FOCAD: variants seen among roughly 807,000 people sequenced by gnomAD.
FOCAD encodes the protein focadhesin, also known as KIAA1797.
A neutral mutation model predicts 225.6 loss-of-function variants in FOCAD; 198 were observed. The observed-to-expected ratio is 0.88, with a 90% CI of 0.78 to 0.99. FOCAD has a LOEUF of 0.99. FOCAD is among the 50% of genes least tolerant of loss of function. FOCAD has a pLI of 0.00. For synonymous variants in FOCAD, 897 were observed against 755.0 expected, an observed-to-expected ratio of 1.19 and a Z score of -3.08; for missense variants, 2,713 against 2,123.6, an observed-to-expected ratio of 1.28 and a Z score of -5.46.
intron 15 of FOCAD, among the ~76,000 whole-genome samples, chr9:20,847,700 T>C (rs1827257216): frequency 6.6e-6 from 1 of 152,064 alleles, no homozygotes; most frequent in South Asian, 2.1e-4. Context: ...GGCTTTATAT[T>C]GTAAAATAAG....
intron 26 of FOCAD, 21 bp from the exon 27 acceptor site, chr9:20,929,337 T>C (rs1184998797): frequency 1.2e-6 from 2 of 1,600,224 alleles, no homozygotes; most frequent in Non-Finnish European, 1.7e-6. Context: ...AACCCTGTTT[T>C]CTTTCTTTGG....
chr9:20,681,118 T>C (rs141433131), upstream of FOCAD, among the ~76,000 whole-genome samples: 903 of 152,356 alleles, frequency 5.9e-3, 3 homozygotes, highest in Non-Finnish European at 9.2e-3. Context: ...AGAATTTTAG[T>C]TCCCTTCTGT....
chr9:20,785,389 C>A (rs1315610740), intron 10 of FOCAD, among the ~76,000 whole-genome samples: 3 of 152,120 alleles, frequency 2.0e-5, no homozygotes, highest in Non-Finnish European at 4.4e-5. Flanking sequence ...TTAGTCATCA[C>A]TCCCTAATTC....
intron 15 of FOCAD, among the ~76,000 whole-genome samples, chr9:20,843,604 T>C (rs1325191255): frequency 6.6e-6 from 1 of 152,140 alleles, no homozygotes; most frequent in Admixed American, 6.6e-5. Context: ...TAAAGCTGCT[T>C]GGTGTTCCAT....
chr9:20,768,278 C>T (rs1371058477), intron 7 of FOCAD, among the ~76,000 whole-genome samples: 1 of 150,842 alleles, frequency 6.6e-6, no homozygotes, highest in Non-Finnish European at 1.5e-5. Flanking sequence ...CAGCTTTGTT[C>T]TTTTGGCTTA....
At chr9:20,726,995 A>G (rs1826249669) in intron 4 of FOCAD, among the ~76,000 whole-genome samples, 1 of 152,174 alleles carries the variant, frequency 6.6e-6, no homozygotes, top group African/African-American at 2.4e-5. Context: ...GGGGTGTCAG[A>G]GCATTACTAT....
chr9:20,914,745 A>G (rs1053747150), intron 23 of FOCAD, among the ~76,000 whole-genome samples: 3 of 152,142 alleles, frequency 2.0e-5, no homozygotes, highest in African/African-American at 7.2e-5. Flanking sequence ...AGTGAGATGG[A>G]GAAACATTGG....
chr9:20,777,906 C>T (rs1199461493), intron 8 of FOCAD, among the ~76,000 whole-genome samples: 3 of 151,584 alleles, frequency 2.0e-5, no homozygotes, highest in African/African-American at 4.8e-5. Flanking sequence ...ATCGAGACCA[C>T]GGTGAAACCC....
At chr9:20,896,878 A>G (rs1002651035) in intron 21 of FOCAD, 1 of 151,836 alleles carries the variant, frequency 6.6e-6, no homozygotes. Context: ...CTGCCGTTGC[A>G]TAAAATAGCC....
chr9:20,991,372 A>G (rs1841656526), intron 42 of FOCAD, among the ~76,000 whole-genome samples: 1 of 152,148 alleles, frequency 6.6e-6, no homozygotes, highest in African/African-American at 2.4e-5. Flanking sequence ...CTGAACATTA[A>G]TCTTTAAAAA....
Position 20,993,310 on chromosome 9 carries a change from T to C in FOCAD, c.5314T>C (p.Ser1772Pro), listed in dbSNP as rs1395666198. The change falls in exon 43 of 44, where the codon TCC (serine) becomes CCC (proline). Residue 1772 changes from serine to proline, a missense_variant. Coordinates refer to ENST00000338382, the MANE Select transcript of FOCAD (RefSeq NM_001375567.1). Reference sequence around the variant, plus strand: ...CCCTAAAGAAGCCCTCTCAGCACAGTCCAGGGATCTTTTGAAAGGTATTAC... The same window carrying C: ...CCCTAAAGAAGCCCTCTCAGCACAGCCCAGGGATCTTTTGAAAGGTATTAC... ...ESPKEALSAQ[S>P]RDLLKATLLS... 6.2e-7 allele frequency: 1 copy of C among 1,613,742 alleles called. No homozygotes were observed. The highest frequency in any genetic ancestry group is 1.1e-5 in the South Asian group (1 of 91,074).
chr9:20,712,404 A>C (rs1824926378), intron 1 of FOCAD, among the ~76,000 whole-genome samples: 1 of 152,180 alleles, frequency 6.6e-6, no homozygotes, highest in Non-Finnish European at 1.5e-5. Context: ...TCACGCCTGT[A>C]ATCCTAGCAC....
At chr9:20,918,615 T>A (rs1834077611) in intron 24 of FOCAD, among the ~76,000 whole-genome samples, 1 of 151,746 alleles carries the variant, frequency 6.6e-6, no homozygotes, top group African/African-American at 2.4e-5. Flanking sequence ...TCCCAGCTAC[T>A]TGGGAGGCTG....
rs1413550729 is a variant in FOCAD at position 20,822,130 on chromosome 9, T to C, written c.1794-859T>C. On this transcript the variant is annotated intron_variant, in intron 14 of 43. Coordinates refer to ENST00000338382, the MANE Select transcript of FOCAD (RefSeq NM_001375567.1). ...GTTATTGGCTGACATTCTTATTCTA[T>C]ATAATTAAAGCTGAGGCTCAGGATA... 6.6e-5 allele frequency among the ~76,000 whole-genome samples: 10 copies of C among 151,830 alleles called. No individual in the cohort carries two copies. In the East Asian group the frequency reaches 1.6e-3, roughly 24 times the overall value.
chr9:20,938,246 T>C (rs1020261841), intron 28 of FOCAD, among the ~76,000 whole-genome samples: 33 of 152,292 alleles, frequency 2.2e-4, no homozygotes, highest in South Asian at 1.0e-3. Flanking sequence ...ACCCAAAGGT[T>C]TATAAATCAT....
intron 11 of FOCAD, among the ~76,000 whole-genome samples, chr9:20,801,564 C>T (rs752629326): frequency 4.6e-5 from 7 of 152,044 alleles, no homozygotes; most frequent in Admixed American, 1.3e-4. Flanking sequence ...GAGGCTATAC[C>T]TTGTAAAAAG....
In FOCAD at chr9:20,770,045, T is replaced by C. The variant is rs1318618771; in HGVS notation, c.713T>C (p.Ile238Thr). Reference sequence around the variant, plus strand: ...TTTTTTAAACAGGTAAAAGATTTGATACAGACAACAGAGGCGATGATGTTT... The same window carrying C: ...TTTTTTAAACAGGTAAAAGATTTGACACAGACAACAGAGGCGATGATGTTT... ...IVPCLQVKDL[I>T]QTTEAMMFIE... The change falls in exon 8 of 44, where the codon ATA (isoleucine) becomes ACA (threonine). Residue 238 changes from isoleucine to threonine, a missense_variant. By Grantham distance (89) the Ile-to-Thr change is moderately conservative. Coordinates refer to ENST00000338382, the MANE Select transcript of FOCAD (RefSeq NM_001375567.1). 3.7e-6 allele frequency: 6 copies of C among 1,613,868 alleles called. No homozygotes were observed. Among genetic ancestry groups the C allele is most frequent in the Non-Finnish European group, 5.1e-6 (6 of 1,179,884 alleles).
chr9:20,973,385 C>CTTTTTTTTTTTTT (rs1193012099), intron 35 of FOCAD, among the ~76,000 whole-genome samples: 1 of 144,378 alleles, frequency 6.9e-6, no homozygotes. Flanking sequence ...CTTTCTGCAG[C>CTTTTTTTTTTTTT]TTTTTTTTTT....
chr9:20,780,278 A>G (rs1043564980), intron 9 of FOCAD, among the ~76,000 whole-genome samples: 4 of 152,192 alleles, frequency 2.6e-5, no homozygotes, highest in African/African-American at 9.6e-5. Flanking sequence ...TTTTCTAGAC[A>G]TTTCATATGA....
Sources: gnomAD v4.1 joint callset for allele counts (sites outside exome capture counted in the v4.1 genomes callset) on GRCh38, gnomAD v4.1.1 for gene constraint, MANE v1.5 for transcripts, NCBI Gene and HGNC (gene_info 2026-07-23, HGNC 2026-07-21) for gene names.